The following KIRREL3 variants were observed in gnomAD, a reference collection of about 807,000 sequenced individuals.
KIRREL3 encodes the protein kin of IRRE-like protein 3.
Under a neutral mutation model 89.7 loss-of-function variants are expected in KIRREL3, and 36 were observed. The observed-to-expected ratio is 0.40, with a 90% confidence interval of 0.31 to 0.53. The LOEUF is 0.53. Among genes scored for constraint, KIRREL3 ranks in the 20% least tolerant of loss-of-function variants. The pLI, the probability that KIRREL3 is intolerant of heterozygous loss-of-function variation, is 0.49. For synonymous variants in KIRREL3, 445 were observed against 441.4 expected, an observed-to-expected ratio of 1.01 and a Z score of -0.10; for missense variants, 864 against 1,056.6, an observed-to-expected ratio of 0.82 and a Z score of 2.53.
intron 1 of KIRREL3, among the ~76,000 whole-genome samples, chr11:126,937,337 A>G (rs1592410388): frequency 6.6e-6 from 1 of 152,210 alleles, no homozygotes; most frequent in East Asian, 1.9e-4. Flanking sequence ...GGGCTTGGAT[A>G]GGGATAATAA....
chr11:126,530,091 T>C lies in KIRREL3; in HGVS notation c.134-3404A>G, dbSNP rs1356341901. On this transcript the variant is annotated intron_variant, in intron 2 of 16. Coordinates refer to ENST00000525144, the MANE Select transcript of KIRREL3 (RefSeq NM_032531.4). This position sits in a 1 kb window ranked among gnomAD's most constrained non-coding sequence, Gnocchi z 5.8. The stretch of plus-strand genomic sequence containing the variant: ...AAGAATGCTCCTCACCCACCCACTC[T>C]TTCTTTTCTTTTGAGACTGAGTCTC... Among the ~76,000 whole-genome samples the C allele has an allele frequency of 2.0e-5, 3 of 152,090 alleles. No individual in the cohort carries two copies. The highest frequency in any genetic ancestry group is 4.4e-5 in the Non-Finnish European group (3 of 68,018).
At chr11:126,933,963 T>G (rs1948065200) in intron 1 of KIRREL3, among the ~76,000 whole-genome samples, 1 of 149,730 alleles carries the variant, frequency 6.7e-6, no homozygotes, top group Non-Finnish European at 1.5e-5. Context: ...AATCAAGTTC[T>G]AAGATTTACA....
chr11:126,471,701 GA>G lies in KIRREL3; in HGVS notation c.591+1607del, dbSNP rs201945735. On this transcript the variant is annotated intron_variant, in intron 5 of 16. Transcript: ENST00000525144. The surrounding 1 kb of genome is among the most constrained non-coding windows in gnomAD (Gnocchi z 5.4). ...AATGTCCTGGACTATGGAGCCTGAT[GA>G]AAAAAGGCTGTGGGGGCCTGGGCTC... is the stretch of plus-strand genomic sequence containing the variant. Among the ~76,000 whole-genome samples, 2 of 152,078 alleles carry G rather than the reference GA, an allele frequency of 1.3e-5. No homozygotes were observed. Among genetic ancestry groups the G allele is most frequent in the Admixed American group, 6.5e-5 (1 of 15,278 alleles).
rs1274486364 is a variant in KIRREL3, at chr11:126,997,864, G to A, written c.55+2591C>T. Among the ~76,000 whole-genome samples the A allele has an allele frequency of 6.6e-6, 1 of 152,130 alleles. No individual in the cohort carries two copies. The highest frequency in any genetic ancestry group is 1.5e-5 in the Non-Finnish European group (1 of 68,030). ...CCATGTCATCGGAGTGCCAGATAAG[G>A]CACTAAAAACAACCCTGGACATTTG... On this transcript the variant is annotated intron_variant, in intron 1 of 16. Coordinates refer to ENST00000525144, the MANE Select transcript of KIRREL3 (RefSeq NM_032531.4). This position sits in a 1 kb window ranked among gnomAD's most constrained non-coding sequence, Gnocchi z 4.3.
Position 126,776,198 on chromosome 11 carries a change from G to C in KIRREL3, c.56-213286C>G, listed in dbSNP as rs1171883227. ...GGTTGGCAGGTGGCTTCCCTCCTGT[G>C]GCTGCTTTCAGGGGCAGCCCTACTC... On this transcript the variant is annotated intron_variant, in intron 1 of 16. Coordinates refer to ENST00000525144, the MANE Select transcript of KIRREL3 (RefSeq NM_032531.4). This position sits in a 1 kb window ranked among gnomAD's most constrained non-coding sequence, Gnocchi z 4.7. Among the ~76,000 whole-genome samples the C allele has an allele frequency of 6.6e-6, 1 of 152,126 alleles. No homozygotes were observed. Among genetic ancestry groups the C allele is most frequent in the Admixed American group, 6.5e-5 (1 of 15,282 alleles).
At position 126,940,488 on chromosome 11, in the gene KIRREL3, C is replaced by T. The variant is rs1379851695; in HGVS notation, c.55+59967G>A. The T allele has an allele frequency of 6.6e-6, 1 of 152,198 alleles. No homozygotes were observed. The highest frequency in any genetic ancestry group is 1.5e-5 in the Non-Finnish European group (1 of 68,032). 9.4% of individuals were successfully genotyped at this position (152,198 alleles called of 1,614,324 possible). ...AAAAGTCATTATGAATCCATTAGCT[C>T]AGCAGACCTTACAAACGGCCTTCAC... On this transcript the variant is annotated intron_variant, in intron 1 of 16. Coordinates refer to ENST00000525144, the MANE Select transcript of KIRREL3 (RefSeq NM_032531.4). The surrounding 1 kb of genome is among the most constrained non-coding windows in gnomAD (Gnocchi z 4.6).
chr11:126,486,940 G>A lies in KIRREL3; in HGVS notation c.434-13474C>T, dbSNP rs1957378932. On this transcript the variant is annotated intron_variant, in intron 4 of 16. Coordinates refer to ENST00000525144, the MANE Select transcript of KIRREL3 (RefSeq NM_032531.4). This position sits in a 1 kb window ranked among gnomAD's most constrained non-coding sequence, Gnocchi z 6.2. ...AAGCAGAACTGATATAGTTGGTTTT[G>A]CTATGGGCTCCCCATCCGGTAAATC... Among the ~76,000 whole-genome samples the A allele has an allele frequency of 6.6e-6, 1 of 152,128 alleles. No homozygotes were observed. Among genetic ancestry groups the A allele is most frequent in the Non-Finnish European group, 1.5e-5 (1 of 68,028 alleles).
Position 126,530,779 on chromosome 11 carries a change from T to C in KIRREL3, c.134-4092A>G, listed in dbSNP as rs904553688. Among the ~76,000 whole-genome samples the C allele has an allele frequency of 1.3e-5, 2 of 152,190 alleles. No individual in the cohort carries two copies. Among genetic ancestry groups the C allele is most frequent in the African/African-American group, 2.4e-5 (1 of 41,444 alleles). ...CGCATTTTCCCTGATGATGTTCCCC[T>C]GGTGTGAAGCCTTGGCGGCCGGTGC... is the stretch of plus-strand genomic sequence containing the variant. On this transcript the variant is annotated intron_variant, in intron 2 of 16. Coordinates refer to ENST00000525144, the MANE Select transcript of KIRREL3 (RefSeq NM_032531.4). The surrounding 1 kb of genome is among the most constrained non-coding windows in gnomAD (Gnocchi z 5.8).
intron 2 of KIRREL3, among the ~76,000 whole-genome samples, chr11:126,538,609 G>A (rs528297282): frequency 6.0e-5 from 8 of 133,098 alleles, no homozygotes; most frequent in Middle Eastern, 7.0e-3. Flanking sequence ...TGACCTGCTC[G>A]GGGAACAGGA....
Position 126,508,124 on chromosome 11 carries a change from G to A in KIRREL3, c.433+13191C>T, listed in dbSNP as rs912707614. On this transcript the variant is annotated intron_variant, in intron 4 of 16. Transcript: ENST00000525144. The surrounding 1 kb of genome is among the most constrained non-coding windows in gnomAD (Gnocchi z 4.9). ...ACTGAAGCTGCTGGGTGATCTCTCA[G>A]CTGCTAACATTGTTTCTGACATATT... 6.6e-6 allele frequency among the ~76,000 whole-genome samples: 1 copy of A among 152,184 alleles called. No homozygotes were observed. Among genetic ancestry groups the A allele is most frequent in the African/African-American group, 2.4e-5 (1 of 41,442 alleles).
chr11:126,715,501 G>T lies in KIRREL3; in HGVS notation c.56-152589C>A. Among the ~76,000 whole-genome samples the T allele has an allele frequency of 6.6e-6, 1 of 152,142 alleles. No individual in the cohort carries two copies. Among genetic ancestry groups the T allele is most frequent in the Non-Finnish European group, 1.5e-5 (1 of 68,034 alleles). ...GTGATCTTAAGGAAAGAAATGATCAGGGCAAATGGCTCCAAATGAAGATGA... is the reference window on the plus strand; with the variant it reads ...GTGATCTTAAGGAAAGAAATGATCATGGCAAATGGCTCCAAATGAAGATGA... On this transcript the variant is annotated intron_variant, in intron 1 of 16. Coordinates refer to ENST00000525144, the MANE Select transcript of KIRREL3 (RefSeq NM_032531.4). This position sits in a 1 kb window ranked among gnomAD's most constrained non-coding sequence, Gnocchi z 4.4.
chr11:126,619,421 G>C (rs1272640529), intron 1 of KIRREL3, among the ~76,000 whole-genome samples: 5 of 152,226 alleles, frequency 3.3e-5, no homozygotes, highest in African/African-American at 1.2e-4. Context: ...TTTATCCTAA[G>C]TGTGGTGGGA....
At position 126,766,856 on chromosome 11, in the gene KIRREL3, GAGAA is replaced by G. The variant is rs1485567449; in HGVS notation, c.56-203948_56-203945del. Among the ~76,000 whole-genome samples the G allele has an allele frequency of 6.6e-6, 1 of 152,214 alleles. No individual in the cohort carries two copies. The highest frequency in any genetic ancestry group is 2.4e-5 in the African/African-American group (1 of 41,454). On this transcript the variant is annotated intron_variant, in intron 1 of 16. Transcript: ENST00000525144. The surrounding 1 kb of genome is among the most constrained non-coding windows in gnomAD (Gnocchi z 4.2). ...TCCTAGGGCTCCCTTGTGGAGGTAAGAGAAAGAGATTGCTCTGTCTTGCATAGGG... is the reference window on the plus strand; with the variant it reads ...TCCTAGGGCTCCCTTGTGGAGGTAAGAGAGATTGCTCTGTCTTGCATAGGG...
Position 126,565,218 on chromosome 11 carries a change from A to G in KIRREL3, c.56-2306T>C, listed in dbSNP as rs373619478. 9.2e-5 allele frequency among the ~76,000 whole-genome samples: 14 copies of G among 152,204 alleles called. No homozygotes were observed. Among genetic ancestry groups the G allele is most frequent in the Admixed American group, 3.3e-4 (5 of 15,284 alleles). On this transcript the variant is annotated intron_variant, in intron 1 of 16. Transcript: ENST00000525144. The surrounding 1 kb of genome is among the most constrained non-coding windows in gnomAD (Gnocchi z 5.4). ...TTCTCTTACAGATTTAGAGAGTGTGAGCAATCTGTTGACTCTGGATTGTCT... is the reference window on the plus strand; with the variant it reads ...TTCTCTTACAGATTTAGAGAGTGTGGGCAATCTGTTGACTCTGGATTGTCT...
In KIRREL3 at chr11:126,898,996, C is replaced by A. The variant is rs546043240; in HGVS notation, c.55+101459G>T. On this transcript the variant is annotated intron_variant, in intron 1 of 16. Transcript: ENST00000525144. This position sits in a 1 kb window ranked among gnomAD's most constrained non-coding sequence, Gnocchi z 4.9. ...GATGCTGTAAGATGAGACTTAAAAG[C>A]CGCAGGGGAGTTTGGGGGGGGTCTC... Among the ~76,000 whole-genome samples, 3 of 101,506 alleles carry A rather than the reference C, an allele frequency of 3.0e-5. No individual in the cohort carries two copies. The highest frequency in any genetic ancestry group is 1.7e-4 in the African/African-American group (3 of 17,988). 66.6% of individuals were successfully genotyped at this position (101,506 alleles called of 152,430 possible). A position where few individuals can be genotyped will look rare whatever the true frequency, so the allele number is the denominator to read the frequency against.
chr11:126,941,892 C>T (rs757551314), intron 1 of KIRREL3, among the ~76,000 whole-genome samples: 9 of 152,214 alleles, frequency 5.9e-5, no homozygotes, highest in Non-Finnish European at 1.2e-4. Flanking sequence ...TTATTCAATG[C>T]AAGCCATCAA....
rs1366980970 is a variant in KIRREL3 at position 126,965,533 on chromosome 11, A to G, written c.55+34922T>C. On this transcript the variant is annotated intron_variant, in intron 1 of 16. Transcript: ENST00000525144. This position sits in a 1 kb window ranked among gnomAD's most constrained non-coding sequence, Gnocchi z 4.4. ...CAGTATCCTGGAACCCTATTGTGAA[A>G]GACTAACACGTGCGTCATTGCCATT... is the stretch of plus-strand genomic sequence containing the variant. 6.6e-6 allele frequency among the ~76,000 whole-genome samples: 1 copy of G among 152,188 alleles called. No homozygotes were observed. The highest frequency in any genetic ancestry group is 1.9e-4 in the East Asian group (1 of 5,190).
chr11:126,568,850 A>G lies in KIRREL3; in HGVS notation c.56-5938T>C, dbSNP rs549852441. 2.0e-5 allele frequency among the ~76,000 whole-genome samples: 3 copies of G among 151,936 alleles called. No individual in the cohort carries two copies. The highest frequency in any genetic ancestry group is 2.0e-4 in the Admixed American group (3 of 15,282). On this transcript the variant is annotated intron_variant, in intron 1 of 16. Transcript: ENST00000525144. The surrounding 1 kb of genome is among the most constrained non-coding windows in gnomAD (Gnocchi z 4.6). Reference sequence around the variant, plus strand: ...CCCCCCTCGTTTTTTTCTTTTTCAGATATGAAAGTGGAGATGCAGAGAGGT... The same window carrying G: ...CCCCCCTCGTTTTTTTCTTTTTCAGGTATGAAAGTGGAGATGCAGAGAGGT...
intron 1 of KIRREL3, among the ~76,000 whole-genome samples, chr11:126,880,064 G>T (rs780095466): frequency 6.6e-6 from 1 of 152,150 alleles, no homozygotes; most frequent in Admixed American, 6.5e-5. Flanking sequence ...CTTTCTCTGT[G>T]CCTGTCCTTT....
Sources: allele counts gnomAD v4.1 joint callset (sites outside exome capture counted in the v4.1 genomes callset), GRCh38; gene constraint gnomAD v4.1.1; non-coding constraint Gnocchi (gnomAD v3.1); transcripts MANE v1.5; gene names NCBI Gene and HGNC (gene_info 2026-07-23, HGNC 2026-07-21).